EFNA5: variants seen among roughly 807,000 people sequenced by gnomAD.
The protein encoded by EFNA5 is ephrin-A5.
Under a neutral mutation model 22.9 loss-of-function variants are expected in EFNA5, and 5 were observed. The ratio of observed to expected loss-of-function variants is 0.22; its 90% confidence interval spans 0.11 to 0.46. EFNA5 has a LOEUF of 0.46. Among genes scored for constraint, EFNA5 ranks in the 20% least tolerant of loss-of-function variants. The probability of loss-of-function intolerance (pLI) is 0.99; values close to 1 mark genes in which losing one functional copy is unlikely to be tolerated. For missense variants in EFNA5, 237 were observed against 293.3 expected (o/e 0.81, Z 1.40); for synonymous variants, 113 against 112.2 (o/e 1.01, Z -0.04).
In EFNA5 at chr5:107,380,773, G is replaced by A. The variant is rs1747431522; in HGVS notation, c.*482C>T. 5.0e-6 allele frequency: 2 copies of A among 400,084 alleles called. No homozygotes were observed. Among genetic ancestry groups the A allele is most frequent in the African/African-American group, 4.1e-5 (2 of 48,622 alleles). The allele number at this position is 400,084 out of a possible 1,614,324, so 24.8% of individuals were successfully genotyped here. ...TCCGGACCTGACATGGTGACATGAT[G>A]CCCTGCGCGATCATCTTACAGTTCT... On this transcript the variant is annotated 3_prime_UTR_variant, in exon 5 of 5. Transcript: ENST00000333274.
chr5:107,439,844 C>T (rs1304973980), intron 1 of EFNA5, among the ~76,000 whole-genome samples: 1 of 152,084 alleles, frequency 6.6e-6, no homozygotes, highest in Non-Finnish European at 1.5e-5. Flanking sequence ...CTTTCCTTGA[C>T]CCTGGAAATT....
chr5:107,564,631 G>GTTTTTT (rs34585445), intron 1 of EFNA5, among the ~76,000 whole-genome samples: 201 of 114,864 alleles, frequency 1.7e-3, no homozygotes, highest in Non-Finnish European at 2.7e-3. Flanking sequence ...TTGGGTTTTT[G>GTTTTTT]TTTTTTTTTT....
chr5:107,392,376 C>A (rs1386126179), intron 2 of EFNA5, among the ~76,000 whole-genome samples: 1 of 152,148 alleles, frequency 6.6e-6, no homozygotes, highest in African/African-American at 2.4e-5. Flanking sequence ...AGCAAGGTAC[C>A]ATATTGTGAG....
At chr5:107,593,132 C>G (rs1356973570) in intron 1 of EFNA5, among the ~76,000 whole-genome samples, 2 of 152,180 alleles carry the variant, frequency 1.3e-5, no homozygotes, top group East Asian at 1.9e-4. Flanking sequence ...ACATCAGCAC[C>G]TGTTTTGAAA....
At chr5:107,413,544 C>T (rs1213176274) in intron 2 of EFNA5, among the ~76,000 whole-genome samples, 1 of 152,158 alleles carries the variant, frequency 6.6e-6, no homozygotes, top group Non-Finnish European at 1.5e-5. Flanking sequence ...ATTTCTTTCT[C>T]TCCAGGTACA....
intron 1 of EFNA5, among the ~76,000 whole-genome samples, chr5:107,536,400 G>A (rs1561425401): frequency 6.6e-6 from 1 of 152,128 alleles, no homozygotes; most frequent in Non-Finnish European, 1.5e-5. Flanking sequence ...GAAAATTACT[G>A]ACATAAAGAA....
intron 1 of EFNA5, among the ~76,000 whole-genome samples, chr5:107,532,921 C>T (rs141908822): frequency 4.6e-5 from 7 of 152,172 alleles, no homozygotes; most frequent in African/African-American, 9.6e-5. Context: ...ACTATTCCCC[C>T]GGGTCTCCAG....
At chr5:107,497,456 G>C (rs761182501) in intron 1 of EFNA5, among the ~76,000 whole-genome samples, 12 of 152,188 alleles carry the variant, frequency 7.9e-5, no homozygotes, top group Non-Finnish European at 2.9e-5. Flanking sequence ...AGACGTAAAG[G>C]CTGGGAAAGA....
At chr5:107,587,163 A>G (rs1749205391) in intron 1 of EFNA5, among the ~76,000 whole-genome samples, 1 of 152,218 alleles carries the variant, frequency 6.6e-6, no homozygotes, top group South Asian at 2.1e-4. Flanking sequence ...ACCCACTTAA[A>G]TGATTAACAT....
intron 2 of EFNA5, among the ~76,000 whole-genome samples, chr5:107,414,107 A>G (rs1484941388): frequency 6.6e-6 from 1 of 152,166 alleles, no homozygotes; most frequent in Non-Finnish European, 1.5e-5. Context: ...TGCAGGAAAA[A>G]CAGCTGGAGG....
chr5:107,475,231 T>A (rs1350048502), intron 1 of EFNA5, among the ~76,000 whole-genome samples: 1 of 152,244 alleles, frequency 6.6e-6, no homozygotes, highest in Non-Finnish European at 1.5e-5. Flanking sequence ...TAATTTGTCT[T>A]TGTGGATTAA....
intron 1 of EFNA5, among the ~76,000 whole-genome samples, chr5:107,445,688 G>A (rs1355084993): frequency 1.3e-5 from 2 of 152,164 alleles, no homozygotes; most frequent in Non-Finnish European, 2.9e-5. Context: ...CTCCAAGGAT[G>A]GCTGCAAATA....
At position 107,403,655 on chromosome 5, in the gene EFNA5, C is replaced by A. The variant is rs570987916; in HGVS notation, c.419-15884G>T. 5.2e-4 allele frequency among the ~76,000 whole-genome samples: 79 copies of A among 152,294 alleles called. 1 individual carries two copies. Among genetic ancestry groups the A allele is most frequent in the Middle Eastern group, 3.4e-3 (1 of 294 alleles). ...TGTCCTTTGCCGCATATTGAACATA[C>A]ATATTCACACATAGCTTTATATCTG... is the stretch of plus-strand genomic sequence containing the variant. On this transcript the variant is annotated intron_variant, in intron 2 of 4. Transcript: ENST00000333274.
intron 1 of EFNA5, among the ~76,000 whole-genome samples, chr5:107,655,735 T>G (rs771735014): frequency 3.9e-5 from 6 of 152,160 alleles, no homozygotes; most frequent in Non-Finnish European, 8.8e-5. Flanking sequence ...GAAGTAAAAT[T>G]GGCTTTGAAT....
rs532930012 is a variant in EFNA5, at chr5:107,394,512, AC to A, written c.419-6742del. Among the ~76,000 whole-genome samples, 305 of 152,352 alleles carry A rather than the reference AC, an allele frequency of 2.0e-3. 1 individual carries two copies. The highest frequency in any genetic ancestry group is 7.2e-3 in the African/African-American group (298 of 41,592). On this transcript the variant is annotated intron_variant, in intron 2 of 4. Transcript: ENST00000333274. Reference sequence around the variant, plus strand: ...TTCTGCAAGTTAAAACTTGGTTTTAACACCAGGGAACTGTAACAAGGAAAAA... The same window carrying A: ...TTCTGCAAGTTAAAACTTGGTTTTAAACCAGGGAACTGTAACAAGGAAAAA...
Position 107,387,293 on chromosome 5 carries a change from A to G in EFNA5, c.507T>C (p.Gly169=), listed in dbSNP as rs778996931. The change falls in exon 4 of 5, where the codon GGT becomes GGC. Residue 169 remains glycine (G), a synonymous_variant. Coordinates refer to ENST00000333274, the MANE Select transcript of EFNA5 (RefSeq NM_001962.3). ...RPTNSCMKTI[G]VHDRVFDVND... ...TAACATCGAAAACACGATCATGAAC[A>G]CCTATAGTTTTCATACAGCTATCTA... is the stretch of plus-strand genomic sequence containing the variant. The G allele has an allele frequency of 1.9e-5, 30 of 1,602,960 alleles. No homozygotes were observed. Among genetic ancestry groups the G allele is most frequent in the Non-Finnish European group, 2.3e-5 (27 of 1,173,018 alleles).
At chr5:107,554,709 T>C (rs1048506948) in intron 1 of EFNA5, among the ~76,000 whole-genome samples, 4 of 152,210 alleles carry the variant, frequency 2.6e-5, no homozygotes, top group Admixed American at 2.6e-4. Flanking sequence ...ATGTGCCAAA[T>C]ACTGTGAGAT....
intron 1 of EFNA5, among the ~76,000 whole-genome samples, chr5:107,542,245 G>A (rs990340290): frequency 6.6e-6 from 1 of 152,096 alleles, no homozygotes; most frequent in African/African-American, 2.4e-5. Context: ...TGAAAAATAA[G>A]AAACAAGAGC....
rs1194799804 is a variant in EFNA5, at chr5:107,427,329, A to G, written c.306T>C (p.Cys102=). ...GTCCATTTGGAGAGTGAGGCCGGTT[A>G]CATTCCCATCTCTTGAACCCTTTGG... is the stretch of plus-strand genomic sequence containing the variant. ...HTSKGFKRWE[C]NRPHSPNGPL... Residue 102 remains cysteine, a synonymous_variant, in exon 2 of 5, where the codon TGT becomes TGC. Transcript: ENST00000333274. The G allele has an allele frequency of 6.2e-7, 1 of 1,614,156 alleles. No individual in the cohort carries two copies. Among genetic ancestry groups the G allele is most frequent in the South Asian group, 1.1e-5 (1 of 91,086 alleles).
Sources: allele counts gnomAD v4.1 joint callset (sites outside exome capture counted in the v4.1 genomes callset), GRCh38; gene constraint gnomAD v4.1.1; transcripts MANE v1.5; gene names NCBI Gene and HGNC (gene_info 2026-07-23, HGNC 2026-07-21).